The following GTF2A1L variants were observed in gnomAD, a reference collection of about 807,000 sequenced individuals.
GTF2A1L encodes the protein general transcription factor IIA subunit 1 like.
A neutral mutation model predicts 49.7 loss-of-function variants in GTF2A1L; 48 were observed. The observed-to-expected ratio is 0.97, with a 90% confidence interval of 0.77 to 1.23. The LOEUF (loss-of-function observed/expected upper bound fraction) is 1.23, where lower values mean the gene tolerates loss of function less well. Among genes scored for constraint, GTF2A1L ranks in the 50% most tolerant of loss-of-function variants. The probability of loss-of-function intolerance (pLI) is 0.00; values close to 1 mark genes in which losing one functional copy is unlikely to be tolerated. For missense variants in GTF2A1L, 736 were observed against 564.8 expected (o/e 1.30, Z -3.07); for synonymous variants, 246 against 193.5 (o/e 1.27, Z -2.25).
intron 6 of GTF2A1L, among the ~76,000 whole-genome samples, chr2:48,653,240 A>T (rs1199346218): frequency 2.1e-5 from 3 of 145,388 alleles, no homozygotes; most frequent in African/African-American, 7.6e-5. Context: ...AAAAAAAAAA[A>T]GTAAAATAAC....
At chr2:48,644,571 G>C (rs1270103128) in intron 4 of GTF2A1L, among the ~76,000 whole-genome samples, 2 of 152,110 alleles carry the variant, frequency 1.3e-5, no homozygotes, top group Non-Finnish European at 2.9e-5. Context: ...ATGGGTCAAA[G>C]GTCATTTGTA....
intron 7 of GTF2A1L, among the ~76,000 whole-genome samples, chr2:48,670,265 A>G (rs1030059778): frequency 2.0e-5 from 3 of 152,074 alleles, no homozygotes; most frequent in Admixed American, 2.0e-4. Flanking sequence ...ATGGTGGCAC[A>G]TGCCTGTAAA....
At chr2:48,649,214 T>G (rs1254866336) in intron 6 of GTF2A1L, among the ~76,000 whole-genome samples, 7 of 152,216 alleles carry the variant, frequency 4.6e-5, no homozygotes, top group Non-Finnish European at 1.0e-4. Flanking sequence ...TTATTTCACT[T>G]AGTATAATGT....
At chr2:48,634,510 T>G (rs951826845) in intron 3 of GTF2A1L, among the ~76,000 whole-genome samples, 2 of 152,218 alleles carry the variant, frequency 1.3e-5, no homozygotes, top group Non-Finnish European at 2.9e-5. Context: ...TAGGCCTAAG[T>G]GTGTTTTCAT....
rs576408600 is a variant in GTF2A1L at position 48,664,952 on chromosome 2, ACT to A, written c.979-4767_979-4766del. Among the ~76,000 whole-genome samples, 286 of 151,708 alleles carry A rather than the reference ACT, an allele frequency of 1.9e-3. 3 individuals carry two copies. Among genetic ancestry groups the A allele is most frequent in the African/African-American group, 6.4e-3 (265 of 41,338 alleles). ...TGTTTATTTATTGAGACAGAGGCTCACTCTGTTGCTCGGGCTGGAGTTCAGGT... is the reference window on the plus strand; with the variant it reads ...TGTTTATTTATTGAGACAGAGGCTCACTGTTGCTCGGGCTGGAGTTCAGGT... On this transcript the variant is annotated intron_variant, in intron 6 of 8. Transcript: ENST00000403751.
intron 6 of GTF2A1L, among the ~76,000 whole-genome samples, chr2:48,666,328 C>T (rs964227420): frequency 1.3e-5 from 2 of 151,978 alleles, no homozygotes; most frequent in Non-Finnish European, 2.9e-5. Flanking sequence ...GCCTCAGCCT[C>T]CTGAAGAGCT....
chr2:48,671,485 T>C, intron 7 of GTF2A1L, 106 bp from the exon 8 acceptor site: 1 of 1,165,106 alleles, frequency 8.6e-7, no homozygotes, highest in Non-Finnish European at 1.2e-6. Context: ...ATTATAGGAA[T>C]GAGCCACCAC....
At chr2:48,619,216 C>A (rs574842778) in intron 1 of GTF2A1L, among the ~76,000 whole-genome samples, 1 of 152,078 alleles carries the variant, frequency 6.6e-6, no homozygotes, top group Admixed American at 6.5e-5. Flanking sequence ...CACCTGTAAT[C>A]CCAGCACCTT....
chr2:48,646,903 C>G lies in GTF2A1L; in HGVS notation c.839C>G (p.Ser280Cys), dbSNP rs781491947. 6.2e-7 allele frequency: 1 copy of G among 1,614,164 alleles called. No homozygotes were observed. Among genetic ancestry groups the G allele is most frequent in the Non-Finnish European group, 8.5e-7 (1 of 1,180,028 alleles). ...MAQNLHDESL[S>C]TSPHGALHQH... ...CAAAATCTGCATGATGAGTCCCTCT[C>G]CACAAGCCCTCATGGGGCTCTCCAC... Residue 280 changes from serine (S) to cysteine (C), a missense_variant, in exon 6 of 9, where the codon TCC (serine) becomes TGC (cysteine). Ser to Cys is a moderately radical substitution (Grantham distance 112). Coordinates refer to ENST00000403751, the MANE Select transcript of GTF2A1L (RefSeq NM_006872.5).
chr2:48,624,916 G>T (rs1039969994), intron 3 of GTF2A1L, among the ~76,000 whole-genome samples: 1 of 143,894 alleles, frequency 6.9e-6, no homozygotes. Context: ...TCCTCTGTGT[G>T]TGTGTGTATA....
chr2:48,662,013 G>GT (rs1229261225), intron 6 of GTF2A1L, among the ~76,000 whole-genome samples: 2 of 151,766 alleles, frequency 1.3e-5, no homozygotes, highest in Admixed American at 1.3e-4. Flanking sequence ...TTGATTTTTG[G>GT]TTTCCCTTCT....
chr2:48,679,039 C>G (rs1394419978), intron 8 of GTF2A1L, among the ~76,000 whole-genome samples: 8 of 97,704 alleles, frequency 8.2e-5, no homozygotes, highest in Non-Finnish European at 1.8e-4. Flanking sequence ...AAAATGTAAA[C>G]TCTTAAAAGG....
intron 6 of GTF2A1L, among the ~76,000 whole-genome samples, chr2:48,648,931 A>G (rs1189034228): frequency 1.3e-5 from 2 of 152,174 alleles, no homozygotes; most frequent in Non-Finnish European, 2.9e-5. Context: ...AGACTTTACA[A>G]GTAGTTTTTC....
intron 3 of GTF2A1L, among the ~76,000 whole-genome samples, chr2:48,637,680 C>A (rs1326230564): frequency 6.6e-6 from 1 of 152,074 alleles, no homozygotes. Flanking sequence ...ATTAATGAAT[C>A]CAGGAGTTGG....
chr2:48,661,247 CTTTTTT>C (rs70946820), intron 6 of GTF2A1L, among the ~76,000 whole-genome samples: 221 of 62,722 alleles, frequency 3.5e-3, no homozygotes, highest in African/African-American at 0.014. Context: ...CATCCCCAAA[CTTTTTT>C]TTTTTTTTTT....
At chr2:48,668,107 T>G (rs1049583883) in intron 6 of GTF2A1L, among the ~76,000 whole-genome samples, 11 of 152,208 alleles carry the variant, frequency 7.2e-5, no homozygotes, top group South Asian at 2.1e-4. Context: ...TTTATGAATT[T>G]GCCTGTTCTA....
At chr2:48,668,497 A>G (rs972659881) in intron 6 of GTF2A1L, 5 of 152,092 alleles carry the variant, frequency 3.3e-5, no homozygotes, top group Admixed American at 3.3e-4. Context: ...ATGACAAACT[A>G]ATGGGTTGGG....
intron 1 of GTF2A1L, among the ~76,000 whole-genome samples, chr2:48,619,878 A>C (rs1182521847): frequency 3.3e-5 from 5 of 152,108 alleles, no homozygotes; most frequent in African/African-American, 1.2e-4. Flanking sequence ...GGTATTTTAG[A>C]ATGTTATTTG....
chr2:48,672,068 A>C (rs1393089507), intron 8 of GTF2A1L, among the ~76,000 whole-genome samples: 1 of 152,232 alleles, frequency 6.6e-6, no homozygotes, highest in African/African-American at 2.4e-5. Flanking sequence ...TGCAGCACAG[A>C]TAGTAAGCCC....
Sources: gnomAD v4.1 joint callset for allele counts (sites outside exome capture counted in the v4.1 genomes callset) on GRCh38, gnomAD v4.1.1 for gene constraint, MANE v1.5 for transcripts, NCBI Gene and HGNC (gene_info 2026-07-23, HGNC 2026-07-21) for gene names.